The following ELOC variants were observed in gnomAD, a reference collection of about 807,000 sequenced individuals.
ELOC encodes elongin-C.
For synonymous variants in ELOC, 40 were observed against 51.3 expected (o/e 0.78, Z 0.94); for missense variants, 38 against 139.0 (o/e 0.27, Z 3.65).
At chr8:73,949,868 AAAATT>A (rs1231596487) in intron 3 of ELOC, among the ~76,000 whole-genome samples, 4 of 152,256 alleles carry the variant, frequency 2.6e-5, no homozygotes, top group Admixed American at 2.6e-4. Flanking sequence ...GTTATAAAAT[AAAATT>A]AATTTTAATT....
At chr8:73,948,192 CAA>C (rs200295701) in intron 3 of ELOC, among the ~76,000 whole-genome samples, 9 of 127,906 alleles carry the variant, frequency 7.0e-5, no homozygotes, top group Non-Finnish European at 8.4e-5. Context: ...AACTCCGTCT[CAA>C]AAAAAAAAAA....
chr8:73,952,360 T>C lies in ELOC; in HGVS notation c.148+3551A>G, dbSNP rs190206638. Among the ~76,000 whole-genome samples the C allele has an allele frequency of 4.0e-5, 6 of 151,644 alleles. No homozygotes were observed. In the East Asian group the frequency reaches 7.8e-4, roughly 20 times the overall value. On this transcript the variant is annotated intron_variant, in intron 3 of 3. Coordinates refer to ENST00000520242, the MANE Select transcript of ELOC (RefSeq NM_005648.4). ...AGGTGGAGGGTGCAGTGAGCCGAGATTGAGCCACTGCACTCCAGCCTGGGT... is the reference window on the plus strand; with the variant it reads ...AGGTGGAGGGTGCAGTGAGCCGAGACTGAGCCACTGCACTCCAGCCTGGGT...
rs2131139806 is a variant in ELOC, at chr8:73,959,806, C to A, written c.-38G>T. On this transcript the variant is annotated 5_prime_UTR_variant, in exon 2 of 4. Transcript: ENST00000520242. Reference sequence around the variant, plus strand: ...AAATTCTACTTTGCTTCCCCAGGAACTTTAGTAGTTTCCTGAAAATATAAC... The same window carrying A: ...AAATTCTACTTTGCTTCCCCAGGAAATTTAGTAGTTTCCTGAAAATATAAC... The A allele has an allele frequency of 1.3e-6, 2 of 1,527,476 alleles. No homozygotes were observed. The highest frequency in any genetic ancestry group is 1.3e-5 in the South Asian group (1 of 78,054). The allele number at this position is 1,527,476 out of a possible 1,614,324, so 94.6% of individuals were successfully genotyped here. A position where few individuals can be genotyped will look rare whatever the true frequency, so the allele number is the denominator to read the frequency against.
intron 2 of ELOC, 62 bp downstream of exon 2, chr8:73,959,703 A>G: frequency 7.1e-7 from 1 of 1,412,328 alleles, no homozygotes; most frequent in Non-Finnish European, 9.6e-7. Flanking sequence ...AATTTTAAAG[A>G]TCTTTGAAAC....
At chr8:73,968,330 T>A (rs1815127721) in intron 1 of ELOC, among the ~76,000 whole-genome samples, 2 of 152,296 alleles carry the variant, frequency 1.3e-5, no homozygotes, top group Admixed American at 1.3e-4. Flanking sequence ...CAGCTTCCCA[T>A]GTTTATTACC....
At chr8:73,968,307 AC>A (rs962763089) in intron 1 of ELOC, among the ~76,000 whole-genome samples, 2 of 152,114 alleles carry the variant, frequency 1.3e-5, no homozygotes, top group African/African-American at 4.8e-5. Flanking sequence ...TTCCCAGACA[AC>A]CACCTATAAC....
chr8:73,952,125 A>C (rs190074296), intron 3 of ELOC, among the ~76,000 whole-genome samples: 264 of 152,330 alleles, frequency 1.7e-3, no homozygotes, highest in African/African-American at 6.1e-3. Flanking sequence ...CACAAAAACC[A>C]AAGGAAAAAT....
At chr8:73,957,059 G>C (rs1463902275) in intron 2 of ELOC, among the ~76,000 whole-genome samples, 1 of 151,962 alleles carries the variant, frequency 6.6e-6, no homozygotes, top group Admixed American at 6.6e-5. Flanking sequence ...TGTAGTCCCA[G>C]CTACTCAGGA....
At chr8:73,959,844 A>C in intron 1 of ELOC, 26 bp from the exon 2 acceptor site, 15 of 1,264,220 alleles carry the variant, frequency 1.2e-5, no homozygotes, top group Non-Finnish European at 1.6e-5. Flanking sequence ...TATCATATTA[A>C]GATTAATGTT....
intron 2 of ELOC, among the ~76,000 whole-genome samples, chr8:73,957,275 C>A (rs1156240294): frequency 1.3e-5 from 2 of 151,886 alleles, no homozygotes; most frequent in African/African-American, 4.8e-5. Context: ...AAACCCAAAG[C>A]TGACATGAGG....
At chr8:73,946,858 T>G (rs1189198095) in intron 3 of ELOC, 38 bp from the exon 4 acceptor site, 3 of 1,557,576 alleles carry the variant, frequency 1.9e-6, no homozygotes, top group South Asian at 2.3e-5. Context: ...ATTGGCTGAA[T>G]TGTGTCCTCC....
chr8:73,945,731 G>A lies in ELOC; in HGVS notation c.*899C>T, dbSNP rs889436727. On this transcript the variant is annotated 3_prime_UTR_variant, in exon 4 of 4. Coordinates refer to ENST00000520242, the MANE Select transcript of ELOC (RefSeq NM_005648.4). The stretch of plus-strand genomic sequence containing the variant: ...TGATTTTCACTGTATCTCTTCACAT[G>A]TTATTCCATAACATTCTAATTGGAT... 1 of 151,968 alleles carries A rather than the reference G, an allele frequency of 6.6e-6. No homozygotes were observed. The highest frequency in any genetic ancestry group is 3.2e-3 in the Middle Eastern group (1 of 312). 9.4% of individuals were successfully genotyped at this position (151,968 alleles called of 1,614,324 possible). A position where few individuals can be genotyped will look rare whatever the true frequency, so the allele number is the denominator to read the frequency against.
intron 1 of ELOC, among the ~76,000 whole-genome samples, chr8:73,971,684 G>C (rs1815414405): frequency 6.6e-6 from 1 of 152,030 alleles, no homozygotes; most frequent in African/African-American, 2.4e-5. Flanking sequence ...TAGAAGAAGC[G>C]AGAGACCTCT....
chr8:73,959,955 CA>C (rs1477919535), intron 1 of ELOC, 137 bp from the exon 2 acceptor site: 4 of 422,164 alleles, frequency 9.5e-6, no homozygotes, highest in Non-Finnish European at 1.7e-5. Flanking sequence ...ATTCCTACAA[CA>C]AAAACACTGT....
chr8:73,971,709 C>T (rs895973964), intron 1 of ELOC, among the ~76,000 whole-genome samples: 1 of 152,062 alleles, frequency 6.6e-6, no homozygotes, highest in Non-Finnish European at 1.5e-5. Flanking sequence ...GGGCTAGGGA[C>T]TGACTTCAAG....
At chr8:73,950,931 G>A (rs1375593417) in intron 3 of ELOC, among the ~76,000 whole-genome samples, 4 of 152,248 alleles carry the variant, frequency 2.6e-5, no homozygotes, top group African/African-American at 4.8e-5. Flanking sequence ...CATCAGGCAT[G>A]TGCTTGAAAT....
chr8:73,945,603 T>A lies in ELOC; in HGVS notation c.*1027A>T, dbSNP rs1426059259. The A allele has an allele frequency of 6.6e-6, 1 of 152,216 alleles. No individual in the cohort carries two copies. Among genetic ancestry groups the A allele is most frequent in the East Asian group, 1.9e-4 (1 of 5,198 alleles). 9.4% of individuals were successfully genotyped at this position (152,216 alleles called of 1,614,324 possible). On this transcript the variant is annotated 3_prime_UTR_variant, in exon 4 of 4. Transcript: ENST00000520242. ...TTGGCTGCTTAATAGAAAAGCTGAA[T>A]GAGCTTGATTTCAGTAGAAGACCCA...
At chr8:73,970,863 A>C (rs1463833638) in intron 1 of ELOC, among the ~76,000 whole-genome samples, 13 of 138,072 alleles carry the variant, frequency 9.4e-5, no homozygotes, top group African/African-American at 4.0e-4. Flanking sequence ...AAAAAACAAA[A>C]CAAAACAAAA....
intron 1 of ELOC, among the ~76,000 whole-genome samples, chr8:73,966,009 G>A (rs1814945712): frequency 6.6e-6 from 1 of 152,146 alleles, no homozygotes; most frequent in Non-Finnish European, 1.5e-5. Context: ...CTGGAAAGGA[G>A]GGAGATCCAG....
Sources: gnomAD v4.1 joint callset for allele counts (sites outside exome capture counted in the v4.1 genomes callset) on GRCh38, gnomAD v4.1.1 for gene constraint, MANE v1.5 for transcripts, NCBI Gene and HGNC (gene_info 2026-07-23, HGNC 2026-07-21) for gene names.